Variants in TULP4 observed in about 807,000 individuals in gnomAD.
The protein encoded by TULP4 is TUB like protein 4, also known as tubby-related protein 4.
A neutral mutation model predicts 129.0 loss-of-function variants in TULP4; 16 were observed. The observed-to-expected ratio is 0.12, with a 90% CI of 0.08 to 0.19. The LOEUF is 0.19. Among genes scored for constraint, TULP4 ranks in the 10% least tolerant of loss-of-function variants. The pLI is 1.00. For synonymous variants in TULP4, 998 were observed against 854.0 expected, an observed-to-expected ratio of 1.17 and a Z score of -2.94; for missense variants, 1,842 against 2,059.1, an observed-to-expected ratio of 0.89 and a Z score of 2.04.
chr6:158,439,735 G>A (rs1479392316), intron 3 of TULP4, among the ~76,000 whole-genome samples: 2 of 98,746 alleles, frequency 2.0e-5, no homozygotes, highest in East Asian at 2.8e-4. Flanking sequence ...TTTTTGAGAC[G>A]GAGTCTTGCT....
intron 1 of TULP4, among the ~76,000 whole-genome samples, chr6:158,262,329 T>G (rs1255817389): frequency 6.6e-6 from 1 of 152,178 alleles, no homozygotes; most frequent in African/African-American, 2.4e-5. Flanking sequence ...CTGGAGACTT[T>G]AGTTGTGGGC....
intron 1 of TULP4, among the ~76,000 whole-genome samples, chr6:158,404,113 T>C (rs981805843): frequency 3.9e-5 from 6 of 152,244 alleles, no homozygotes; most frequent in Admixed American, 2.0e-4. Context: ...CTCTTCAGTT[T>C]GCTGGAACCT....
At chr6:158,278,931 GT>G (rs1389156177), upstream of TULP4, among the ~76,000 whole-genome samples, 3 of 96,080 alleles carry the variant, frequency 3.1e-5, no homozygotes, top group Non-Finnish European at 4.0e-5. Context: ...CATAGTTGTT[GT>G]TTTTTTTTGT....
chr6:158,489,883 A>G, intron 9 of TULP4, 151 bp downstream of exon 9: 1 of 1,061,718 alleles, frequency 9.4e-7, no homozygotes, highest in South Asian at 1.7e-5. Context: ...GAATAATTAC[A>G]ACTTCTATTT....
chr6:158,240,708 C>A (rs1248357792), intron 1 of TULP4, among the ~76,000 whole-genome samples: 1 of 123,922 alleles, frequency 8.1e-6, no homozygotes, highest in Non-Finnish European at 1.8e-5. Flanking sequence ...TGACCCCCCC[C>A]ACCTCCCTCC....
At chr6:158,298,682 A>T (rs1334516961) in intron 1 of TULP4, among the ~76,000 whole-genome samples, 1 of 152,192 alleles carries the variant, frequency 6.6e-6, no homozygotes, top group Non-Finnish European at 1.5e-5. Flanking sequence ...TTGTTCGTCC[A>T]AATTTTGATA....
chr6:158,279,297 TA>T (rs1478604095), upstream of TULP4, among the ~76,000 whole-genome samples: 2 of 152,146 alleles, frequency 1.3e-5, no homozygotes, highest in Non-Finnish European at 2.9e-5. Flanking sequence ...ATTCAGAACT[TA>T]AATTATATAT....
chr6:158,332,586 T>A (rs1779937701), intron 1 of TULP4, among the ~76,000 whole-genome samples: 1 of 152,066 alleles, frequency 6.6e-6, no homozygotes, highest in Non-Finnish European at 1.5e-5. Context: ...CTCAGGCCAT[T>A]GGCAGCTGGG....
chr6:158,429,730 C>G lies in TULP4; in HGVS notation c.382-6C>G. On this transcript the variant is annotated splice_polypyrimidine_tract_variant and splice_region_variant and intron_variant, in intron 2 of 13. Transcript: ENST00000367097. ...AAATTGACTCTTTTCTGTGTGTGTC[C>G]CCAAGGTGAGTGATTTCACGTGGAG... The G allele has an allele frequency of 6.2e-7, 1 of 1,604,258 alleles. No individual in the cohort carries two copies. The highest frequency in any genetic ancestry group is 8.5e-7 in the Non-Finnish European group (1 of 1,174,894).
chr6:158,273,657 A>AT lies in TULP4; in HGVS notation n.69-38393dup, dbSNP rs969108486. Among the ~76,000 whole-genome samples, 134 of 152,330 alleles carry AT rather than the reference A, an allele frequency of 8.8e-4. 1 individual carries two copies. Among genetic ancestry groups the AT allele is most frequent in the African/African-American group, 3.0e-3 (125 of 41,576 alleles). ...TGCCACCACCAATTGGGAATTATTC[A>AT]TAACTGTAATAGCTGACACTTACTG... On this transcript the variant is annotated intron_variant and non_coding_transcript_variant, in intron 1 of 1. Coordinates refer to the TULP4 transcript ENST00000620026.
upstream of TULP4, among the ~76,000 whole-genome samples, chr6:158,278,536 C>T (rs1356288463): frequency 6.6e-6 from 1 of 151,864 alleles, no homozygotes; most frequent in African/African-American, 2.4e-5. Context: ...ATACTTAGAT[C>T]TTTCCTAGAA....
intron 3 of TULP4, among the ~76,000 whole-genome samples, chr6:158,433,344 T>A (rs1778673437): frequency 1.3e-5 from 2 of 152,230 alleles, no homozygotes; most frequent in Non-Finnish European, 2.9e-5. Context: ...TAACATATTC[T>A]TTACTCTGAA....
At chr6:158,407,651 T>C (rs576217744) in intron 1 of TULP4, among the ~76,000 whole-genome samples, 1 of 152,342 alleles carries the variant, frequency 6.6e-6, no homozygotes, top group Non-Finnish European at 1.5e-5. Context: ...GTTACTGGGC[T>C]ATATTTAAAA....
chr6:158,432,965 G>A (rs950492458), intron 3 of TULP4, among the ~76,000 whole-genome samples: 1 of 152,192 alleles, frequency 6.6e-6, no homozygotes, highest in Non-Finnish European at 1.5e-5. Flanking sequence ...CACCTGCACA[G>A]GCACCCCTAA....
Position 158,260,900 on chromosome 6 carries a change from A to G in TULP4, n.68+28597A>G, listed in dbSNP as rs6900479. On this transcript the variant is annotated intron_variant and non_coding_transcript_variant, in intron 1 of 1. Coordinates refer to the TULP4 transcript ENST00000620026. ...CAATGGCGCAATCTCGGCTCACTGC[A>G]ACCCCCGCCTCCCAGGTTCAAGTGA... Among the ~76,000 whole-genome samples, 794 of 151,284 alleles carry G rather than the reference A, an allele frequency of 5.2e-3. 8 individuals are homozygous for G. Among genetic ancestry groups the G allele is most frequent in the African/African-American group, 0.018 (744 of 41,128 alleles).
At chr6:158,391,574 C>T (rs1462417223) in intron 1 of TULP4, among the ~76,000 whole-genome samples, 1 of 152,176 alleles carries the variant, frequency 6.6e-6, no homozygotes, top group Admixed American at 6.5e-5. Context: ...TTAAAATAGA[C>T]TGGGCAGTCT....
chr6:158,494,824 C>A lies in TULP4; in HGVS notation c.1848C>A (p.Phe616Leu). 6.2e-7 allele frequency: 1 copy of A among 1,614,052 alleles called. No homozygotes were observed. The highest frequency in any genetic ancestry group is 8.5e-7 in the Non-Finnish European group (1 of 1,179,988). Residue 616 changes from phenylalanine to leucine, a missense_variant, in exon 11 of 14, where the codon TTC (phenylalanine) becomes TTA (leucine). Coordinates refer to ENST00000367097, the MANE Select transcript of TULP4 (RefSeq NM_020245.5). Reference sequence around the variant, plus strand: ...TTAAGATTGTGGGCTTGGCTGCTTTCCTGCCAACCAACCTCGGTGCAGGTA... The same window carrying A: ...TTAAGATTGTGGGCTTGGCTGCTTTACTGCCAACCAACCTCGGTGCAGGTA... ...TKFKIVGLAA[F>L]LPTNLGAVIY...
chr6:158,342,662 T>C (rs984048215), intron 1 of TULP4, among the ~76,000 whole-genome samples: 5 of 152,184 alleles, frequency 3.3e-5, no homozygotes, highest in African/African-American at 1.2e-4. Context: ...TACTGACTTC[T>C]TGAAAGGGTG....
intron 1 of TULP4, among the ~76,000 whole-genome samples, chr6:158,399,979 G>A (rs529280178): frequency 6.6e-6 from 1 of 152,334 alleles, no homozygotes; most frequent in South Asian, 2.1e-4. Flanking sequence ...AGATCCCAGT[G>A]TTCAGGCAAG....
Sources: gnomAD v4.1 joint callset for allele counts (sites outside exome capture counted in the v4.1 genomes callset) on GRCh38, gnomAD v4.1.1 for gene constraint, MANE v1.5 for transcripts, NCBI Gene and HGNC (gene_info 2026-07-23, HGNC 2026-07-21) for gene names.